Variants in RASAL2 observed in about 807,000 individuals in gnomAD.
The protein encoded by RASAL2 is ras GTPase-activating protein nGAP.
RASAL2 carries 58 observed loss-of-function variants against 128.9 expected under a neutral mutation model. That is an observed-to-expected ratio of 0.45 (90% confidence interval 0.36 to 0.56). The LOEUF is 0.56. Ranked by LOEUF, RASAL2 falls within the 20% of genes least tolerant of loss-of-function variation. RASAL2 has a pLI of 0.00. For synonymous variants in RASAL2, 561 were observed against 580.8 expected (o/e 0.97, Z 0.49); for missense variants, 1,360 against 1,601.6 (o/e 0.85, Z 2.57).
At chr1:178,383,539 C>A (rs1334897864) in intron 3 of RASAL2, among the ~76,000 whole-genome samples, 1 of 152,130 alleles carries the variant, frequency 6.6e-6, no homozygotes, top group African/African-American at 2.4e-5. Context: ...GTTCCTATTA[C>A]CTTTAGGAGT....
chr1:178,299,855 A>G lies in RASAL2; in HGVS notation c.331-137A>G, dbSNP rs1264648527. ...GGTTGGTAATACCTTACCATTGTAT[A>G]TACTTTATTTCTATATTTCTCCTGC... On this transcript the variant is annotated intron_variant, in intron 2 of 17. Coordinates refer to ENST00000367649, the MANE Select transcript of RASAL2 (RefSeq NM_170692.4). 9 of 847,316 alleles carry G rather than the reference A, an allele frequency of 1.1e-5. No individual in the cohort carries two copies. In the South Asian group the frequency reaches 1.1e-4, roughly 11 times the overall value. 52.5% of individuals were successfully genotyped at this position (847,316 alleles called of 1,614,324 possible).
chr1:178,105,915 A>G (rs760062812), intron 1 of RASAL2, among the ~76,000 whole-genome samples: 12 of 152,106 alleles, frequency 7.9e-5, no homozygotes, highest in Non-Finnish European at 8.8e-5. Context: ...AGCTCAAGCA[A>G]TCCTCTTGCC....
At chr1:178,439,998 C>CATCCATCCATCTATCT (rs34383194) in intron 6 of RASAL2, among the ~76,000 whole-genome samples, 1 of 150,790 alleles carries the variant, frequency 6.6e-6, no homozygotes, top group African/African-American at 2.5e-5. Context: ...TCCATCCATC[C>CATCCATCCATCTATCT]ATCCATCCAT....
In RASAL2 at chr1:178,186,962, T is replaced by C. The variant is rs1181410595; in HGVS notation, c.202+92268T>C. The stretch of plus-strand genomic sequence containing the variant: ...CCTCAACTTTCTGAGTAGTTAGGAC[T>C]ACAAGCATGTGCCACCATGCCTTAC... On this transcript the variant is annotated intron_variant, in intron 1 of 17. Coordinates refer to ENST00000367649, the MANE Select transcript of RASAL2 (RefSeq NM_170692.4). Among the ~76,000 whole-genome samples the C allele has an allele frequency of 2.0e-5, 3 of 152,072 alleles. No individual in the cohort carries two copies. In the East Asian group the frequency reaches 5.8e-4, roughly 29 times the overall value.
chr1:178,215,832 A>C (rs1301140410), intron 1 of RASAL2, among the ~76,000 whole-genome samples: 1 of 152,212 alleles, frequency 6.6e-6, no homozygotes, highest in Non-Finnish European at 1.5e-5. Flanking sequence ...ATTAGACCAG[A>C]AGACCTTTGC....
intron 1 of RASAL2, among the ~76,000 whole-genome samples, chr1:178,261,927 A>G (rs1257250567): frequency 6.6e-6 from 1 of 151,970 alleles, no homozygotes; most frequent in Non-Finnish European, 1.5e-5. Flanking sequence ...AAAAAAAAAA[A>G]AAGTGTTGAT....
At chr1:178,152,229 G>A (rs1660936782) in intron 1 of RASAL2, among the ~76,000 whole-genome samples, 1 of 152,134 alleles carries the variant, frequency 6.6e-6, no homozygotes, top group Non-Finnish European at 1.5e-5. Context: ...AGTGTTTGGT[G>A]AACTTCTGGA....
intron 1 of RASAL2, among the ~76,000 whole-genome samples, chr1:178,117,076 T>C (rs2102263326): frequency 6.6e-6 from 1 of 152,344 alleles, no homozygotes; most frequent in East Asian, 1.9e-4. Flanking sequence ...AAAGGTATTG[T>C]TCTTAATTTA....
At chr1:178,262,682 A>G (rs1002721054) in intron 1 of RASAL2, among the ~76,000 whole-genome samples, 3 of 152,216 alleles carry the variant, frequency 2.0e-5, no homozygotes, top group Non-Finnish European at 4.4e-5. Flanking sequence ...TTAGCCATCA[A>G]CTGTGAGTGG....
At chr1:178,361,486 C>G (rs17360922) in intron 3 of RASAL2, among the ~76,000 whole-genome samples, 5,823 of 152,070 alleles carry the variant, frequency 0.038, 145 homozygotes, top group Non-Finnish European at 0.056. Context: ...TACCCGTTAG[C>G]TTTTTTTAAT....
intron 1 of RASAL2, among the ~76,000 whole-genome samples, chr1:178,248,457 T>C (rs1457557953): frequency 6.6e-6 from 1 of 152,142 alleles, no homozygotes; most frequent in Non-Finnish European, 1.5e-5. Flanking sequence ...GTGAGATAGG[T>C]CTCCTGAATA....
intron 3 of RASAL2, among the ~76,000 whole-genome samples, chr1:178,349,695 CA>C (rs1473658566): frequency 1.3e-5 from 2 of 151,932 alleles, no homozygotes; most frequent in Admixed American, 6.6e-5. Flanking sequence ...GTACTTAACA[CA>C]TTAACTTTTA....
chr1:178,154,439 C>G (rs746843362), intron 1 of RASAL2, among the ~76,000 whole-genome samples: 2 of 152,036 alleles, frequency 1.3e-5, no homozygotes, highest in Non-Finnish European at 2.9e-5. Context: ...GTGGGCCACA[C>G]TGCCTAGCCT....
At chr1:178,309,301 A>G (rs1177701701) in intron 3 of RASAL2, among the ~76,000 whole-genome samples, 2 of 152,172 alleles carry the variant, frequency 1.3e-5, no homozygotes, top group East Asian at 3.8e-4. Flanking sequence ...TTATTTGACT[A>G]CTGTCTATAA....
At position 178,473,833 on chromosome 1, in the gene RASAL2, G is replaced by A. The variant is rs1220009771; in HGVS notation, c.*594G>A. 2 of 152,880 alleles carry A rather than the reference G, an allele frequency of 1.3e-5. No homozygotes were observed. Among genetic ancestry groups the A allele is most frequent in the African/African-American group, 2.4e-5 (1 of 41,454 alleles). 9.5% of individuals were successfully genotyped at this position (152,880 alleles called of 1,614,324 possible). On this transcript the variant is annotated 3_prime_UTR_variant, in exon 18 of 18. Coordinates refer to ENST00000367649, the MANE Select transcript of RASAL2 (RefSeq NM_170692.4). ...CCACTGATCAACCAAGACTGGTTCT[G>A]GTTGGACAGCTAATCTGATTTGGGG... is the stretch of plus-strand genomic sequence containing the variant.
chr1:178,426,624 T>C (rs146022868), intron 5 of RASAL2, among the ~76,000 whole-genome samples: 55 of 151,604 alleles, frequency 3.6e-4, no homozygotes, highest in African/African-American at 1.2e-3. Flanking sequence ...AAATTAAAAT[T>C]TTCTAGAAAG....
intron 3 of RASAL2, among the ~76,000 whole-genome samples, chr1:178,349,257 T>TAAAA (rs1260231020): frequency 7.3e-6 from 1 of 137,082 alleles, no homozygotes; most frequent in African/African-American, 3.0e-5. Flanking sequence ...TGTCTCTACT[T>TAAAA]TAAAAAAAAA....
chr1:178,354,208 T>G (rs1670671864), intron 3 of RASAL2, among the ~76,000 whole-genome samples: 1 of 152,182 alleles, frequency 6.6e-6, no homozygotes, highest in South Asian at 2.1e-4. Flanking sequence ...GATTTAATAT[T>G]AGAAAGTTAG....
At chr1:178,206,218 A>G (rs1295609048) in intron 1 of RASAL2, among the ~76,000 whole-genome samples, 1 of 152,216 alleles carries the variant, frequency 6.6e-6, no homozygotes, top group Admixed American at 6.5e-5. Context: ...AAAGAGGGGT[A>G]GCATTCTGTT....
Sources: gnomAD v4.1 joint callset for allele counts (sites outside exome capture counted in the v4.1 genomes callset) on GRCh38, gnomAD v4.1.1 for gene constraint, MANE v1.5 for transcripts, NCBI Gene and HGNC (gene_info 2026-07-23, HGNC 2026-07-21) for gene names.